PCDHGC4: variants seen among roughly 807,000 people sequenced by gnomAD.
PCDHGC4 encodes protocadherin gamma subfamily C, 4, also known as protocadherin gamma-C4.
PCDHGC4 carries 15 observed loss-of-function variants against 59.7 expected under a neutral mutation model. The ratio of observed to expected loss-of-function variants is 0.25; its 90% CI spans 0.17 to 0.39. The LOEUF (loss-of-function observed/expected upper bound fraction) is 0.39, where lower values mean the gene tolerates loss of function less well. Ranked by LOEUF, PCDHGC4 falls within the 10% of genes least tolerant of loss-of-function variation. The pLI, the probability that PCDHGC4 is intolerant of heterozygous loss-of-function variation, is 1.00. For synonymous variants in PCDHGC4, 434 were observed against 481.4 expected (o/e 0.90, Z 1.29); for missense variants, 1,016 against 1,189.5 (o/e 0.85, Z 2.15).
chr5:141,501,425 G>A (rs1444899306), intron 2 of PCDHGC4, among the ~76,000 whole-genome samples: 1 of 151,726 alleles, frequency 6.6e-6, no homozygotes, highest in Non-Finnish European at 1.5e-5. Flanking sequence ...TTGACTAAAT[G>A]TAGTCCATTT....
At chr5:141,497,214 G>C (rs929868102) in intron 2 of PCDHGC4, among the ~76,000 whole-genome samples, 2 of 152,138 alleles carry the variant, frequency 1.3e-5, no homozygotes, top group African/African-American at 4.8e-5. Flanking sequence ...TGTAATGGGG[G>C]GGGGAAGATC....
chr5:141,487,438 G>A lies in PCDHGC4; in HGVS notation c.2265G>A (p.Gly755=), dbSNP rs2154580826. 6 of 1,614,174 alleles carry A rather than the reference G, an allele frequency of 3.7e-6. No individual in the cohort carries two copies. Among genetic ancestry groups the A allele is most frequent in the East Asian group, 2.2e-5 (1 of 44,866 alleles). The change falls in exon 1 of 4, where the codon GGG becomes GGA. Residue 755 remains glycine (G), a synonymous_variant. Transcript: ENST00000306593. This position sits in a 1 kb window ranked among gnomAD's most constrained non-coding sequence, Gnocchi z 5.0. The stretch of plus-strand genomic sequence containing the variant: ...ATGGGATCCTCCGAATCCAGCTAGG[G>A]TCAGATGACCCTATCAAGTTTGTTG... ...PSNGILRIQL[G]SDDPIKFVDV... is the part of the protein sequence containing the mutation.
intron 1 of PCDHGC4, among the ~76,000 whole-genome samples, chr5:141,494,498 C>G (rs2099754760): frequency 6.6e-6 from 1 of 152,138 alleles, no homozygotes; most frequent in African/African-American, 2.4e-5. Flanking sequence ...GCCTTCAGTC[C>G]TTGAATTTTG....
rs1404656316 is a variant in PCDHGC4 at position 141,486,648 on chromosome 5, A to G, written c.1475A>G (p.Tyr492Cys). 6.2e-7 allele frequency: 1 copy of G among 1,613,298 alleles called. No individual in the cohort carries two copies. The highest frequency in any genetic ancestry group is 8.5e-7 in the Non-Finnish European group (1 of 1,179,892). ...PDSGLNALISYSLLEPRNRDV... is the reference protein window; with the variant it reads ...PDSGLNALISCSLLEPRNRDV... The stretch of plus-strand genomic sequence containing the variant: ...TCTGGCTTGAATGCGCTTATCTCCT[A>G]CTCACTCCTGGAGCCCAGGAATCGA... Residue 492 changes from tyrosine to cysteine, a missense_variant, in exon 1 of 4, where the codon TAC becomes TGC. Physicochemically the swap from Tyr to Cys is radical, Grantham distance 194. Coordinates refer to ENST00000306593, the MANE Select transcript of PCDHGC4 (RefSeq NM_018928.3). This position sits in a 1 kb window ranked among gnomAD's most constrained non-coding sequence, Gnocchi z 5.0.
intron 2 of PCDHGC4, among the ~76,000 whole-genome samples, chr5:141,501,838 G>C (rs888418141): frequency 6.6e-6 from 1 of 152,000 alleles, no homozygotes; most frequent in African/African-American, 2.4e-5. Flanking sequence ...CACCTGTTTG[G>C]CCCTCAACCT....
chr5:141,505,546 C>T (rs555460173), intron 3 of PCDHGC4, 65 bp downstream of exon 3: 36 of 1,608,242 alleles, frequency 2.2e-5, no homozygotes, highest in South Asian at 7.7e-5. Context: ...CATCTCACAG[C>T]CACCATGCCC....
At position 141,507,794 on chromosome 5, in the gene PCDHGC4, C is replaced by CT. The variant is rs576191739; in HGVS notation, c.2590+2314dup. On this transcript the variant is annotated intron_variant, in intron 3 of 3. Coordinates refer to ENST00000306593, the MANE Select transcript of PCDHGC4 (RefSeq NM_018928.3). ...CACAGGGCCTGACCCTCGTCTAAGC[C>CT]TGCGCCCTGGGGAACGGACCCTGGG... 7.9e-4 allele frequency among the ~76,000 whole-genome samples: 120 copies of CT among 152,356 alleles called. 2 individuals carry two copies. The highest frequency in any genetic ancestry group is 2.8e-3 in the African/African-American group (115 of 41,592).
chr5:141,494,878 T>A lies in PCDHGC4; in HGVS notation c.2501+13T>A. Reference sequence around the variant, plus strand: ...CCGGCACCAGCGGGTAGGTGACTGATTCTCCAGCCCACCCTCTTCTCTGCG... The same window carrying A: ...CCGGCACCAGCGGGTAGGTGACTGAATCTCCAGCCCACCCTCTTCTCTGCG... On this transcript the variant is annotated intron_variant, in intron 2 of 3. Coordinates refer to ENST00000306593, the MANE Select transcript of PCDHGC4 (RefSeq NM_018928.3). The A allele has an allele frequency of 6.2e-7, 1 of 1,614,072 alleles. No homozygotes were observed. The highest frequency in any genetic ancestry group is 8.5e-7 in the Non-Finnish European group (1 of 1,179,986).
At chr5:141,510,589 A>G (rs1043188276) in intron 3 of PCDHGC4, among the ~76,000 whole-genome samples, 2 of 152,194 alleles carry the variant, frequency 1.3e-5, no homozygotes, top group African/African-American at 2.4e-5. Context: ...CGTACCTGAC[A>G]TACATTTTCT....
In PCDHGC4 at chr5:141,490,007, C is replaced by T. The variant is rs766407642; in HGVS notation, c.2442+2392C>T. On this transcript the variant is annotated intron_variant, in intron 1 of 3. Coordinates refer to ENST00000306593, the MANE Select transcript of PCDHGC4 (RefSeq NM_018928.3). The surrounding 1 kb of genome is among the most constrained non-coding windows in gnomAD (Gnocchi z 5.4). ...CGTGTGGGAATCCCAGAGAATGCACCCATTGGTACTCTGCTGCTCCGCCTC... is the reference window on the plus strand; with the variant it reads ...CGTGTGGGAATCCCAGAGAATGCACTCATTGGTACTCTGCTGCTCCGCCTC... 6.2e-7 allele frequency: 1 copy of T among 1,614,200 alleles called. No homozygotes were observed. The highest frequency in any genetic ancestry group is 8.5e-7 in the Non-Finnish European group (1 of 1,180,016).
chr5:141,490,336 G>T lies in PCDHGC4; in HGVS notation c.2442+2721G>T. 2 of 1,614,224 alleles carry T rather than the reference G, an allele frequency of 1.2e-6. No individual in the cohort carries two copies. The highest frequency in any genetic ancestry group is 8.5e-7 in the Non-Finnish European group (1 of 1,180,040). ...CCCTGTCCTAGAGAGCACACCAGTGGGCACAGTAGTGGGGTTGTTTAATGT... is the reference window on the plus strand; with the variant it reads ...CCCTGTCCTAGAGAGCACACCAGTGTGCACAGTAGTGGGGTTGTTTAATGT... On this transcript the variant is annotated intron_variant, in intron 1 of 3. Transcript: ENST00000306593. This position sits in a 1 kb window ranked among gnomAD's most constrained non-coding sequence, Gnocchi z 5.4.
Position 141,485,096 on chromosome 5 carries a change from CCAG to C in PCDHGC4, c.-76_-74del. The C allele has an allele frequency of 8.9e-7, 1 of 1,125,684 alleles. No homozygotes were observed. The highest frequency in any genetic ancestry group is 1.3e-6 in the Non-Finnish European group (1 of 759,466). 69.7% of individuals were successfully genotyped at this position (1,125,684 alleles called of 1,614,324 possible). A position where few individuals can be genotyped will look rare whatever the true frequency, so the allele number is the denominator to read the frequency against. ...CGCGGGGAAAGGGAGATAGGTGTCTCCAGCTGCTGTGGCTGTTTGGGGCGGGTC... is the reference window on the plus strand; with the variant it reads ...CGCGGGGAAAGGGAGATAGGTGTCTCCTGCTGTGGCTGTTTGGGGCGGGTC... On this transcript the variant is annotated 5_prime_UTR_variant, in exon 1 of 4. Transcript: ENST00000306593. The surrounding 1 kb of genome is among the most constrained non-coding windows in gnomAD (Gnocchi z 5.7).
intron 3 of PCDHGC4, among the ~76,000 whole-genome samples, chr5:141,506,866 T>C (rs1182560001): frequency 2.6e-5 from 4 of 152,104 alleles, no homozygotes; most frequent in Admixed American, 2.6e-4. Context: ...GACTGGTGGG[T>C]AGAGAACCAG....
chr5:141,489,723 T>C lies in PCDHGC4; in HGVS notation c.2442+2108T>C, dbSNP rs900332220. ...CACTGGACAGTGCCCAGGATCCGGA[T>C]GTGGGCACCAATACTGTGAGCTTTT... On this transcript the variant is annotated intron_variant, in intron 1 of 3. Coordinates refer to ENST00000306593, the MANE Select transcript of PCDHGC4 (RefSeq NM_018928.3). This position sits in a 1 kb window ranked among gnomAD's most constrained non-coding sequence, Gnocchi z 4.5. 4.3e-6 allele frequency: 7 copies of C among 1,613,958 alleles called. No homozygotes were observed. The highest frequency in any genetic ancestry group is 5.9e-6 in the Non-Finnish European group (7 of 1,179,940).
rs976135607 is a variant in PCDHGC4 at position 141,489,115 on chromosome 5, C to A, written c.2442+1500C>A. ...CTAAGAACTGCTGCAAGCAGGCAAA[C>A]CTCCGAGCAGTTTTTAAGAGGCTGG... On this transcript the variant is annotated intron_variant, in intron 1 of 3. Coordinates refer to ENST00000306593, the MANE Select transcript of PCDHGC4 (RefSeq NM_018928.3). This position sits in a 1 kb window ranked among gnomAD's most constrained non-coding sequence, Gnocchi z 4.5. 7.3e-5 allele frequency: 37 copies of A among 506,794 alleles called. No homozygotes were observed. Among genetic ancestry groups the A allele is most frequent in the Non-Finnish European group, 1.2e-4 (35 of 298,604 alleles). 31.4% of individuals were successfully genotyped at this position (506,794 alleles called of 1,614,324 possible).
Position 141,491,547 on chromosome 5 carries a change from G to A in PCDHGC4, c.2443-3260G>A. On this transcript the variant is annotated intron_variant, in intron 1 of 3. Transcript: ENST00000306593. This position sits in a 1 kb window ranked among gnomAD's most constrained non-coding sequence, Gnocchi z 6.9. ...AGGTGACGCTGCGGCCCACAGACTC[G>A]CAGAGCCACTGCTACAGGACGTGCT... is the stretch of plus-strand genomic sequence containing the variant. The A allele has an allele frequency of 4.3e-6, 7 of 1,613,974 alleles. No individual in the cohort carries two copies. The highest frequency in any genetic ancestry group is 5.9e-6 in the Non-Finnish European group (7 of 1,180,022).
rs1016254258 is a variant in PCDHGC4 at position 141,489,870 on chromosome 5, G to C, written c.2442+2255G>C. ...GTGAAGCCCAGGCAAGACATCAGCT[G>C]GTGCTTACTGCTGTGGATGGGGGGA... On this transcript the variant is annotated intron_variant, in intron 1 of 3. Transcript: ENST00000306593. The surrounding 1 kb of genome is among the most constrained non-coding windows in gnomAD (Gnocchi z 4.5). The C allele has an allele frequency of 2.0e-5, 32 of 1,614,102 alleles. No homozygotes were observed. Among genetic ancestry groups the C allele is most frequent in the African/African-American group, 4.0e-5 (3 of 74,944 alleles).
chr5:141,495,010 G>A (rs1327870362), intron 2 of PCDHGC4, 145 bp downstream of exon 2: 6 of 1,516,970 alleles, frequency 4.0e-6, no homozygotes, highest in Non-Finnish European at 5.3e-6. Context: ...GTGTGCGGGG[G>A]GCTGGCACAC....
At chr5:141,492,952 C>T (rs1428667098) in intron 1 of PCDHGC4, among the ~76,000 whole-genome samples, 1 of 152,242 alleles carries the variant, frequency 6.6e-6, no homozygotes, top group Non-Finnish European at 1.5e-5. Context: ...GGTGACCAAA[C>T]TATCTGACAC....
Sources: allele counts gnomAD v4.1 joint callset (sites outside exome capture counted in the v4.1 genomes callset), GRCh38; gene constraint gnomAD v4.1.1; non-coding constraint Gnocchi (gnomAD v3.1); transcripts MANE v1.5; gene names NCBI Gene and HGNC (gene_info 2026-07-23, HGNC 2026-07-21).